The following PLPPR1 variants were observed in gnomAD, a reference collection of about 807,000 sequenced individuals.
The protein encoded by PLPPR1 is phospholipid phosphatase-related protein type 1.
Under a neutral mutation model 33.1 loss-of-function variants are expected in PLPPR1, and 10 were observed. The ratio of observed to expected loss-of-function variants is 0.30; its 90% confidence interval spans 0.19 to 0.51. PLPPR1 has a LOEUF of 0.51. PLPPR1 is among the 20% of genes least tolerant of loss of function. The probability of loss-of-function intolerance (pLI) is 0.97; values close to 1 mark genes in which losing one functional copy is unlikely to be tolerated. For synonymous variants in PLPPR1, 151 were observed against 151.0 expected, an observed-to-expected ratio of 1.00 and a Z score of 0.00; for missense variants, 304 against 408.1, an observed-to-expected ratio of 0.74 and a Z score of 2.20.
chr9:101,236,536 T>TCACACACACACACACA lies in PLPPR1; in HGVS notation c.64-33335_64-33320dup, dbSNP rs60508436. Reference sequence around the variant, plus strand: ...TAATTGTTACCCTCTCTCTCTAAACTCACACACACACACACACACACACAT... The same window carrying TCACACACACACACACA: ...TAATTGTTACCCTCTCTCTCTAAACTCACACACACACACACACACACACACACACACACACACACAT... On this transcript the variant is annotated intron_variant, in intron 2 of 7. Transcript: ENST00000374874. Among the ~76,000 whole-genome samples, 698 of 148,690 alleles carry TCACACACACACACACA rather than the reference T, an allele frequency of 4.7e-3. 2 individuals carry two copies. The highest frequency in any genetic ancestry group is 7.9e-3 in the Non-Finnish European group (529 of 66,630).
intron 3 of PLPPR1, among the ~76,000 whole-genome samples, chr9:101,278,890 C>T (rs527306754): frequency 4.6e-5 from 7 of 152,272 alleles, no homozygotes; most frequent in African/African-American, 1.2e-4. Context: ...AGTGACCCTG[C>T]GATTCAGAAC....
chr9:101,031,333 A>G (rs1204162306), intron 1 of PLPPR1, among the ~76,000 whole-genome samples: 1 of 152,146 alleles, frequency 6.6e-6, no homozygotes, highest in Non-Finnish European at 1.5e-5. Context: ...GGATTTATTG[A>G]CCACCTATCC....
chr9:101,079,855 G>A (rs573065625), intron 1 of PLPPR1, among the ~76,000 whole-genome samples: 4 of 152,276 alleles, frequency 2.6e-5, no homozygotes, highest in African/African-American at 9.6e-5. Context: ...GGGATTACAG[G>A]CATGAGCCAC....
intron 1 of PLPPR1, among the ~76,000 whole-genome samples, chr9:101,096,096 G>A (rs1224158938): frequency 6.6e-6 from 1 of 152,116 alleles, no homozygotes; most frequent in Non-Finnish European, 1.5e-5. Context: ...GAGGGTATTT[G>A]AGTGTGGCAA....
At chr9:101,172,144 T>G (rs1825951558) in intron 1 of PLPPR1, among the ~76,000 whole-genome samples, 3 of 152,134 alleles carry the variant, frequency 2.0e-5, no homozygotes, top group Admixed American at 2.0e-4. Flanking sequence ...CCATGTTAAA[T>G]GTTGTGGAAC....
intron 1 of PLPPR1, among the ~76,000 whole-genome samples, chr9:101,084,748 G>A (rs1409561852): frequency 2.0e-5 from 3 of 152,182 alleles, no homozygotes; most frequent in Non-Finnish European, 4.4e-5. Flanking sequence ...AGGAAAATAG[G>A]CCTAGTGCCT....
chr9:101,053,285 T>C (rs1830245784), intron 1 of PLPPR1, among the ~76,000 whole-genome samples: 1 of 152,168 alleles, frequency 6.6e-6, no homozygotes, highest in African/African-American at 2.4e-5. Flanking sequence ...TTTCTTAATG[T>C]CGTCAAGCCC....
intron 2 of PLPPR1, among the ~76,000 whole-genome samples, chr9:101,237,943 C>CTA (rs1290570774): frequency 1.7e-4 from 13 of 77,090 alleles, no homozygotes; most frequent in African/African-American, 2.2e-4. Context: ...TATATATATG[C>CTA]TATATATATA....
chr9:101,237,884 A>G (rs1296257308), intron 2 of PLPPR1, among the ~76,000 whole-genome samples: 1 of 139,422 alleles, frequency 7.2e-6, no homozygotes, highest in Non-Finnish European at 1.6e-5. Context: ...ACATATATAT[A>G]TACACACATT....
intron 1 of PLPPR1, among the ~76,000 whole-genome samples, chr9:101,168,823 A>G (rs1825897858): frequency 6.6e-6 from 1 of 152,190 alleles, no homozygotes; most frequent in African/African-American, 2.4e-5. Flanking sequence ...AGACTTCAAC[A>G]TAATGCAAGT....
chr9:101,315,485 T>A (rs1472028937), intron 6 of PLPPR1, among the ~76,000 whole-genome samples: 1 of 152,218 alleles, frequency 6.6e-6, no homozygotes, highest in East Asian at 1.9e-4. Flanking sequence ...TGGGGTTTGC[T>A]GAAGCCCCAT....
chr9:101,307,852 T>G (rs1421540900), intron 4 of PLPPR1, among the ~76,000 whole-genome samples: 3 of 152,212 alleles, frequency 2.0e-5, no homozygotes, highest in Admixed American at 2.0e-4. Context: ...ACTTGTCAAC[T>G]TCTACCTTCA....
At chr9:101,278,562 G>C (rs528897841) in intron 3 of PLPPR1, among the ~76,000 whole-genome samples, 1 of 152,282 alleles carries the variant, frequency 6.6e-6, no homozygotes, top group Middle Eastern at 3.4e-3. Context: ...CATTGAGAGA[G>C]ACACCATCCA....
At chr9:101,158,829 G>T (rs1225733361) in intron 1 of PLPPR1, among the ~76,000 whole-genome samples, 1 of 149,724 alleles carries the variant, frequency 6.7e-6, no homozygotes, top group Non-Finnish European at 1.5e-5. Flanking sequence ...CTGCACAGCT[G>T]GGAGTTGGGC....
At chr9:101,300,102 CAGTT>C (rs1409821631) in intron 4 of PLPPR1, among the ~76,000 whole-genome samples, 2 of 152,122 alleles carry the variant, frequency 1.3e-5, no homozygotes, top group Middle Eastern at 3.2e-3. Context: ...GATGACTCAA[CAGTT>C]AGTAAAGTGT....
chr9:101,153,161 A>G (rs1831617547), intron 1 of PLPPR1, among the ~76,000 whole-genome samples: 1 of 152,154 alleles, frequency 6.6e-6, no homozygotes, highest in African/African-American at 2.4e-5. Context: ...CTTTGAAGCA[A>G]TTGTGAATGG....
intron 1 of PLPPR1, among the ~76,000 whole-genome samples, chr9:101,147,374 G>C (rs1041405351): frequency 6.6e-6 from 1 of 152,048 alleles, no homozygotes; most frequent in African/African-American, 2.4e-5. Context: ...TAATATTAGG[G>C]GATATTTTGA....
chr9:101,237,875 CAT>C (rs200442406), intron 2 of PLPPR1, among the ~76,000 whole-genome samples: 3 of 130,588 alleles, frequency 2.3e-5, no homozygotes, highest in African/African-American at 5.8e-5. Flanking sequence ...TATACACACA[CAT>C]ATATATATAC....
intron 2 of PLPPR1, among the ~76,000 whole-genome samples, chr9:101,225,859 C>T (rs1286660020): frequency 6.6e-6 from 1 of 151,844 alleles, no homozygotes; most frequent in East Asian, 1.9e-4. Flanking sequence ...CCTATTTTAC[C>T]AAACCAGTTG....
Sources: gnomAD v4.1 joint callset for allele counts (sites outside exome capture counted in the v4.1 genomes callset) on GRCh38, gnomAD v4.1.1 for gene constraint, MANE v1.5 for transcripts, NCBI Gene and HGNC (gene_info 2026-07-23, HGNC 2026-07-21) for gene names.